RPS6KC1: variants seen among roughly 807,000 people sequenced by gnomAD.
The protein encoded by RPS6KC1 is inactive ribosomal protein S6 kinase delta-1.
A neutral mutation model predicts 103.8 loss-of-function variants in RPS6KC1; 54 were observed. The observed-to-expected ratio is 0.52, with a 90% CI of 0.42 to 0.65. The LOEUF is 0.65. RPS6KC1 is among the 30% of genes least tolerant of loss of function. RPS6KC1 has a pLI of 0.00. For missense variants in RPS6KC1, 1,151 were observed against 1,253.8 expected, an observed-to-expected ratio of 0.92 and a Z score of 1.24; for synonymous variants, 439 against 438.7, an observed-to-expected ratio of 1.00 and a Z score of -0.01.
chr1:213,580,361 G>A, the RPS6KC1 span, among the ~76,000 whole-genome samples: 1 of 152,050 alleles, frequency 6.6e-6, no homozygotes, highest in Admixed American at 6.5e-5. Flanking sequence ...GAATTAATGA[G>A]GAACTGCTTC....
intron 1 of RPS6KC1, among the ~76,000 whole-genome samples, chr1:213,060,131 T>C (rs1191319819): frequency 6.6e-6 from 1 of 152,244 alleles, no homozygotes; most frequent in African/African-American, 2.4e-5. Flanking sequence ...TGTTTTACTT[T>C]TTAGTTTTGT....
chr1:213,639,191 T>C, the RPS6KC1 span, among the ~76,000 whole-genome samples: 1 of 152,128 alleles, frequency 6.6e-6, no homozygotes, highest in Non-Finnish European at 1.5e-5. Flanking sequence ...TGTATTGACA[T>C]TGTATCCTAT....
the RPS6KC1 span, among the ~76,000 whole-genome samples, chr1:213,841,843 C>G: frequency 6.6e-6 from 1 of 152,174 alleles, no homozygotes; most frequent in Non-Finnish European, 1.5e-5. Flanking sequence ...CTCATCAGTG[C>G]CGTCCAAATC....
intron 5 of RPS6KC1, among the ~76,000 whole-genome samples, chr1:213,119,426 A>G (rs1237204584): frequency 0.033 from 2 of 60 alleles, no homozygotes; most frequent in Non-Finnish European, 0.062. Context: ...CAGCCTGGGC[A>G]TATATATATA....
the RPS6KC1 span, among the ~76,000 whole-genome samples, chr1:213,399,752 A>C: frequency 6.6e-6 from 1 of 152,108 alleles, no homozygotes; most frequent in Non-Finnish European, 1.5e-5. Flanking sequence ...GATGAATGGC[A>C]GGCACTAAGA....
chr1:213,809,670 T>C, the RPS6KC1 span, among the ~76,000 whole-genome samples: 6 of 152,182 alleles, frequency 3.9e-5, no homozygotes, highest in African/African-American at 1.4e-4. Flanking sequence ...AAGAGGATAC[T>C]CATTACAATG....
At chr1:213,283,299 G>GCCGC in the RPS6KC1 span, among the ~76,000 whole-genome samples, 2 of 152,164 alleles carry the variant, frequency 1.3e-5, no homozygotes, top group African/African-American at 2.4e-5. Context: ...TAGCAAAGAT[G>GCCGC]GCGGTAGCAT....
chr1:213,774,246 G>T, the RPS6KC1 span, among the ~76,000 whole-genome samples: 1 of 152,210 alleles, frequency 6.6e-6, no homozygotes, highest in South Asian at 2.1e-4. Context: ...GTTACAGTGT[G>T]ACCCTTTTAT....
the RPS6KC1 span, among the ~76,000 whole-genome samples, chr1:213,750,135 C>T: frequency 1.3e-3 from 203 of 152,220 alleles, 1 homozygote; most frequent in African/African-American, 4.6e-3. Context: ...TTACTTTGTT[C>T]GGGGGTTAGG....
At chr1:213,703,866 C>T in the RPS6KC1 span, among the ~76,000 whole-genome samples, 1 of 152,048 alleles carries the variant, frequency 6.6e-6, no homozygotes, top group Admixed American at 6.6e-5. Flanking sequence ...TGATATCTTT[C>T]TCTAGGTTCT....
the RPS6KC1 span, among the ~76,000 whole-genome samples, chr1:213,743,695 A>G: frequency 6.6e-6 from 1 of 152,068 alleles, no homozygotes; most frequent in South Asian, 2.1e-4. Context: ...GTAGGTAAAG[A>G]CCCAACAGGT....
chr1:213,591,078 A>G, the RPS6KC1 span, among the ~76,000 whole-genome samples: 1 of 152,118 alleles, frequency 6.6e-6, no homozygotes, highest in African/African-American at 2.4e-5. Flanking sequence ...GCCATGACCA[A>G]ACCCTCATCC....
intron 8 of RPS6KC1, among the ~76,000 whole-genome samples, chr1:213,177,296 TC>T (rs2091938133): frequency 6.6e-6 from 1 of 152,220 alleles, no homozygotes; most frequent in South Asian, 2.1e-4. Context: ...GCTTTACCAT[TC>T]AAAGTAAATA....
chr1:213,494,069 CTG>C, the RPS6KC1 span, among the ~76,000 whole-genome samples: 41 of 152,030 alleles, frequency 2.7e-4, no homozygotes, highest in Non-Finnish European at 3.1e-4. Context: ...TGTGATAACT[CTG>C]TAGTATATGA....
chr1:213,115,447 T>C (rs1237480505), intron 4 of RPS6KC1, among the ~76,000 whole-genome samples: 4 of 152,042 alleles, frequency 2.6e-5, no homozygotes, highest in South Asian at 4.2e-4. Flanking sequence ...TCTCTCTTTT[T>C]TTCTTTATTA....
chr1:213,796,061 A>T, the RPS6KC1 span, among the ~76,000 whole-genome samples: 1 of 152,232 alleles, frequency 6.6e-6, no homozygotes, highest in Admixed American at 6.5e-5. Context: ...GCCTGTAGTA[A>T]AAGAAAATGG....
At chr1:213,378,496 T>G in the RPS6KC1 span, among the ~76,000 whole-genome samples, 2 of 152,266 alleles carry the variant, frequency 1.3e-5, no homozygotes, top group African/African-American at 4.8e-5. Flanking sequence ...TGATATAAGC[T>G]TGTGCTCCCT....
chr1:213,152,416 G>A (rs1236605637), intron 6 of RPS6KC1, among the ~76,000 whole-genome samples: 13 of 150,422 alleles, frequency 8.6e-5, no homozygotes, highest in South Asian at 2.1e-4. Flanking sequence ...GGTGGCTGCC[G>A]GGCGGAGACG....
the RPS6KC1 span, among the ~76,000 whole-genome samples, chr1:213,619,817 A>G: frequency 6.6e-6 from 1 of 152,270 alleles, no homozygotes; most frequent in African/African-American, 2.4e-5. Flanking sequence ...GATATAAAGC[A>G]TGAATAGAAG....
Sources: gnomAD v4.1 joint callset for allele counts (sites outside exome capture counted in the v4.1 genomes callset) on GRCh38, gnomAD v4.1.1 for gene constraint, MANE v1.5 for transcripts, NCBI Gene and HGNC (gene_info 2026-07-23, HGNC 2026-07-21) for gene names.